IMMP2L: variants seen among roughly 807,000 people sequenced by gnomAD.
IMMP2L encodes inner mitochondrial membrane peptidase subunit 2.
Under a neutral mutation model 19.3 loss-of-function variants are expected in IMMP2L, and 18 were observed. The observed-to-expected ratio is 0.93, with a 90% CI of 0.64 to 1.38. The LOEUF (loss-of-function observed/expected upper bound fraction) is 1.38, where lower values mean the gene tolerates loss of function less well. Ranked by LOEUF, IMMP2L falls within the 40% of genes most tolerant of loss-of-function variation. The pLI is 0.00. For missense variants in IMMP2L, 233 were observed against 218.2 expected (o/e 1.07, Z -0.43); for synonymous variants, 76 against 73.0 (o/e 1.04, Z -0.21).
intron 5 of IMMP2L, among the ~76,000 whole-genome samples, chr7:110,814,539 A>G (rs1049401415): frequency 7.9e-5 from 12 of 151,056 alleles, no homozygotes; most frequent in Admixed American, 2.0e-4. Context: ...ACAAACCAAT[A>G]AACTGTTTTG....
chr7:111,310,948 AAGT>A (rs1378549889), intron 3 of IMMP2L, among the ~76,000 whole-genome samples: 1 of 152,196 alleles, frequency 6.6e-6, no homozygotes, highest in Non-Finnish European at 1.5e-5. Context: ...TGCGCAAGGC[AAGT>A]AGGTGAGTAA....
At chr7:111,117,215 A>C (rs559167668) in intron 3 of IMMP2L, among the ~76,000 whole-genome samples, 1 of 152,174 alleles carries the variant, frequency 6.6e-6, no homozygotes, top group Non-Finnish European at 1.5e-5. Context: ...AAATCAGATA[A>C]GTGAGTTTAC....
rs531944092 is a variant in IMMP2L at position 110,681,667 on chromosome 7, G to T, written c.409-17946C>A. On this transcript the variant is annotated intron_variant, in intron 5 of 5. Coordinates refer to ENST00000405709, the MANE Select transcript of IMMP2L (RefSeq NM_032549.4). ...TACTACATGCAAAGCACACTGCAAGGTGTTCTATTTCATAAATGTACCAAG... is the reference window on the plus strand; with the variant it reads ...TACTACATGCAAAGCACACTGCAAGTTGTTCTATTTCATAAATGTACCAAG... Among the ~76,000 whole-genome samples, 7 of 152,248 alleles carry T rather than the reference G, an allele frequency of 4.6e-5. No individual in the cohort carries two copies. The East Asian group carries it at 1.4e-3, about 29-fold the overall frequency.
intron 3 of IMMP2L, among the ~76,000 whole-genome samples, chr7:110,967,157 T>G (rs1280992906): frequency 6.6e-6 from 1 of 152,090 alleles, no homozygotes; most frequent in East Asian, 1.9e-4. Flanking sequence ...AGCAGCTCTG[T>G]GTGGTATGGC....
At chr7:111,158,388 TA>T (rs1453895032) in intron 3 of IMMP2L, among the ~76,000 whole-genome samples, 1 of 152,120 alleles carries the variant, frequency 6.6e-6, no homozygotes, top group Admixed American at 6.6e-5. Flanking sequence ...GTGAGATTTT[TA>T]AATTGTATAA....
At chr7:110,957,348 T>C (rs1043204949) in intron 4 of IMMP2L, among the ~76,000 whole-genome samples, 1 of 151,748 alleles carries the variant, frequency 6.6e-6, no homozygotes, top group Non-Finnish European at 1.5e-5. Flanking sequence ...ATCTGAGTCA[T>C]TTAAAATAAC....
chr7:110,998,703 G>A (rs1823303694), intron 3 of IMMP2L, among the ~76,000 whole-genome samples: 1 of 152,092 alleles, frequency 6.6e-6, no homozygotes, highest in Admixed American at 6.6e-5. Context: ...GCCAAATGGG[G>A]CCAATTCAAG....
chr7:111,487,774 TCA>T (rs1199550113), intron 2 of IMMP2L, among the ~76,000 whole-genome samples: 1 of 152,046 alleles, frequency 6.6e-6, no homozygotes, highest in African/African-American at 2.4e-5. Flanking sequence ...CCACAAATCT[TCA>T]CAGTCATATG....
intron 1 of IMMP2L, among the ~76,000 whole-genome samples, chr7:111,525,649 A>G (rs1846768276): frequency 6.6e-6 from 1 of 152,086 alleles, no homozygotes; most frequent in Non-Finnish European, 1.5e-5. Context: ...CTGGAAATAG[A>G]TGGACAATGG....
intron 3 of IMMP2L, among the ~76,000 whole-genome samples, chr7:111,211,675 CTG>C (rs1811324677): frequency 1.3e-5 from 2 of 152,130 alleles, no homozygotes; most frequent in Non-Finnish European, 2.9e-5. Context: ...AGGCAGAAGA[CTG>C]TGCAAAGAGG....
intron 3 of IMMP2L, among the ~76,000 whole-genome samples, chr7:111,369,647 A>G (rs2131086107): frequency 6.6e-6 from 1 of 152,124 alleles, no homozygotes; most frequent in South Asian, 2.1e-4. Flanking sequence ...TTCAAAAGCC[A>G]ATCAAGATTA....
intron 5 of IMMP2L, among the ~76,000 whole-genome samples, chr7:110,687,431 A>G (rs1793192586): frequency 6.6e-6 from 1 of 152,006 alleles, no homozygotes; most frequent in South Asian, 2.1e-4. Context: ...AGTACTCAAC[A>G]TAACATATTA....
At chr7:110,729,900 A>G (rs531691917) in intron 5 of IMMP2L, among the ~76,000 whole-genome samples, 1 of 151,820 alleles carries the variant, frequency 6.6e-6, no homozygotes, top group African/African-American at 2.4e-5. Context: ...CATCCTGCAC[A>G]TGTACTCCAG....
chr7:111,392,611 T>A (rs1372473359), intron 3 of IMMP2L, among the ~76,000 whole-genome samples: 1 of 152,146 alleles, frequency 6.6e-6, no homozygotes, highest in Non-Finnish European at 1.5e-5. Context: ...ATAATTCAAT[T>A]AATTCTGATA....
Position 110,877,401 on chromosome 7 carries a change from C to T in IMMP2L, c.408+9192G>A, listed in dbSNP as rs1024682501. Among the ~76,000 whole-genome samples the T allele has an allele frequency of 9.2e-5, 14 of 152,052 alleles. No homozygotes were observed. The highest frequency in any genetic ancestry group is 1.6e-4 in the Non-Finnish European group (11 of 68,020). On this transcript the variant is annotated intron_variant, in intron 5 of 5. Coordinates refer to ENST00000405709, the MANE Select transcript of IMMP2L (RefSeq NM_032549.4). The surrounding 1 kb of genome is among the most constrained non-coding windows in gnomAD (Gnocchi z 4.0). ...TGCTGTGTGGGGTAACTGGCTTAGT[C>T]AGAAGCAAAACTTCATGTTAGAGTA...
chr7:111,036,604 A>C (rs1409798636), intron 3 of IMMP2L, among the ~76,000 whole-genome samples: 3 of 152,178 alleles, frequency 2.0e-5, no homozygotes. Context: ...TTAGCCAAAA[A>C]AAAGTCTCAA....
chr7:111,197,245 G>A (rs1440761565), intron 3 of IMMP2L, among the ~76,000 whole-genome samples: 1 of 152,044 alleles, frequency 6.6e-6, no homozygotes, highest in African/African-American at 2.4e-5. Context: ...GGCGGATCAC[G>A]AGGTCAGGAG....
At chr7:111,103,038 G>T (rs9987043) in intron 3 of IMMP2L, among the ~76,000 whole-genome samples, 5,526 of 151,584 alleles carry the variant, frequency 0.036, 311 homozygotes, top group African/African-American at 0.13. Context: ...AGTGTCCATT[G>T]ATCATAGTGA....
intron 3 of IMMP2L, among the ~76,000 whole-genome samples, chr7:111,221,578 G>A (rs1812522911): frequency 6.6e-6 from 1 of 151,864 alleles, no homozygotes; most frequent in Non-Finnish European, 1.5e-5. Context: ...CGGTACACAG[G>A]GGAAAATGTG....
Sources: allele counts gnomAD v4.1 joint callset (sites outside exome capture counted in the v4.1 genomes callset), GRCh38; gene constraint gnomAD v4.1.1; non-coding constraint Gnocchi (gnomAD v3.1); transcripts MANE v1.5; gene names NCBI Gene and HGNC (gene_info 2026-07-23, HGNC 2026-07-21).